Variants in ASXL1 observed in about 807,000 individuals in gnomAD.
The protein encoded by ASXL1 is ASXL transcriptional regulator 1.
ASXL1 carries 65 observed loss-of-function variants against 89.1 expected under a neutral mutation model. That is an observed-to-expected ratio of 0.73 (90% CI 0.60 to 0.90). The LOEUF is 0.90. Among genes scored for constraint, ASXL1 ranks in the 40% least tolerant of loss-of-function variants. ASXL1 has a pLI of 0.00. For synonymous variants in ASXL1, 739 were observed against 746.9 expected, an observed-to-expected ratio of 0.99 and a Z score of 0.17; for missense variants, 1,786 against 1,942.9, an observed-to-expected ratio of 0.92 and a Z score of 1.52.
rs2145363515 is a variant in ASXL1, at chr20:32,434,831, AC to A, written c.2122del (p.Gln708ArgfsTer17). 1 of 1,614,108 alleles carries A rather than the reference AC, an allele frequency of 6.2e-7. No homozygotes were observed. The highest frequency in any genetic ancestry group is 8.5e-7 in the Non-Finnish European group (1 of 1,180,008). On this transcript the variant is annotated frameshift_variant, in exon 13 of 13. Transcript: ENST00000375687. LOFTEE classifies it low-confidence loss of function (END_TRUNC). ...GCCTTATCCTCTAAATGGGGAGCAT[AC>A]CCAGGCCGGAACTGCCATGTCCAGA... ...LPPYPLNGEH[T>X]QAGTAMSRAR...
rs942164117 is a variant in ASXL1 at position 32,424,929 on chromosome 20, G to A, written c.253-3199G>A. 2.6e-5 allele frequency among the ~76,000 whole-genome samples: 4 copies of A among 152,242 alleles called. No homozygotes were observed. In the East Asian group the frequency reaches 7.7e-4, roughly 29 times the overall value. Reference sequence around the variant, plus strand: ...GACATCAAATATGGCCAGCAGCCAGGCGCACCTCCCCTACCCCCCACTGCC... The same window carrying A: ...GACATCAAATATGGCCAGCAGCCAGACGCACCTCCCCTACCCCCCACTGCC... On this transcript the variant is annotated intron_variant, in intron 4 of 12. Coordinates refer to ENST00000375687, the MANE Select transcript of ASXL1 (RefSeq NM_015338.6).
At position 32,369,141 on chromosome 20, in the gene ASXL1, T is replaced by C. The variant is rs2048255052; in HGVS notation, c.252+18T>C. ...CGCTCAAGGTAAGTGATATGAACTC[T>C]CTTTTGGTGCAGTGATTCTTGGACT... On this transcript the variant is annotated intron_variant, in intron 4 of 12. Coordinates refer to ENST00000375687, the MANE Select transcript of ASXL1 (RefSeq NM_015338.6). The C allele has an allele frequency of 1.3e-6, 2 of 1,578,536 alleles. No individual in the cohort carries two copies. Among genetic ancestry groups the C allele is most frequent in the Non-Finnish European group, 1.7e-6 (2 of 1,147,586 alleles).
intron 4 of ASXL1, among the ~76,000 whole-genome samples, chr20:32,380,815 A>C (rs2048473864): frequency 6.6e-6 from 1 of 152,256 alleles, no homozygotes; most frequent in Non-Finnish European, 1.5e-5. Context: ...GAATGACTGG[A>C]GTAAGCTTAG....
Position 32,434,560 on chromosome 20 carries a change from C to CT in ASXL1, c.1848_1849insT (p.Ile617TyrfsTer2), listed in dbSNP as rs767955952. On this transcript the variant is annotated frameshift_variant, in exon 13 of 13. Coordinates refer to ENST00000375687, the MANE Select transcript of ASXL1 (RefSeq NM_015338.6). LOFTEE classifies it low-confidence loss of function (END_TRUNC). Reference sequence around the variant, plus strand: ...GGACTGGCGCCAGGACCCTCGCAGACATTAAAGCCCGTGCTCTGCAGGTCC... The same window carrying CT: ...GGACTGGCGCCAGGACCCTCGCAGACTATTAAAGCCCGTGCTCTGCAGGTCC... 1 of 1,613,688 alleles carries CT rather than the reference C, an allele frequency of 6.2e-7. No homozygotes were observed.
chr20:32,401,524 G>A (rs1213437797), intron 4 of ASXL1, among the ~76,000 whole-genome samples: 2 of 61,944 alleles, frequency 3.2e-5, no homozygotes, highest in Middle Eastern at 7.6e-3. Context: ...AACCATATAT[G>A]TGTGTGTGTG....
Position 32,433,615 on chromosome 20 carries a change from G to A in ASXL1, c.1417G>A (p.Ala473Thr), listed in dbSNP as rs1358407610. 1 of 1,613,958 alleles carries A rather than the reference G, an allele frequency of 6.2e-7. No homozygotes were observed. Among genetic ancestry groups the A allele is most frequent in the Non-Finnish European group, 8.5e-7 (1 of 1,179,868 alleles). ...CCATCTGCCAGGCACATCCTCTGCA[G>A]CACCCGACCTGGAGGGTCCCGAATT... ...SPHLPGTSSAAPDLEGPEFPV... is the reference protein window; with the variant it reads ...SPHLPGTSSATPDLEGPEFPV... Residue 473 changes from alanine to threonine, a missense_variant, in exon 12 of 13, where the codon GCA becomes ACA. Ala to Thr is a moderately conservative substitution (Grantham distance 58, BLOSUM62 0). Coordinates refer to ENST00000375687, the MANE Select transcript of ASXL1 (RefSeq NM_015338.6).
At chr20:32,432,427 A>C (rs1231241468) in intron 10 of ASXL1, 1 of 201,724 alleles carries the variant, frequency 5.0e-6, no homozygotes, top group African/African-American at 2.3e-5. Context: ...CCCAGCTTCC[A>C]GATTCCCAAA....
chr20:32,400,071 C>CT (rs1211539538), intron 4 of ASXL1, among the ~76,000 whole-genome samples: 2 of 143,162 alleles, frequency 1.4e-5, no homozygotes, highest in South Asian at 4.8e-4. Context: ...CATATTTTAC[C>CT]TTTTTTTATC....
chr20:32,381,238 C>T (rs994479409), intron 4 of ASXL1, among the ~76,000 whole-genome samples: 1 of 152,124 alleles, frequency 6.6e-6, no homozygotes, highest in African/African-American at 2.4e-5. Flanking sequence ...CAAGATTTCC[C>T]TCTGTTATTT....
intron 4 of ASXL1, among the ~76,000 whole-genome samples, chr20:32,387,370 C>A (rs1463192297): frequency 6.6e-6 from 1 of 152,204 alleles, no homozygotes; most frequent in Admixed American, 6.5e-5. Context: ...GTTTCTTTCA[C>A]ATCATAGCCT....
In ASXL1 at chr20:32,434,645, G is replaced by A. The variant is rs2011676360; in HGVS notation, c.1933G>A (p.Gly645Ser). ...GGCCACCACTGCCATCGGAGGGGGG[G>A]GTGGCCCGGGTGGAGGTGGCGGCGG... ...EAATTAIGGG[G>S]GPGGGGGGAT... Residue 645 changes from glycine to serine, a missense_variant, in exon 13 of 13, where the codon GGT becomes AGT. Gly to Ser is a moderately conservative substitution (Grantham distance 56, BLOSUM62 0). Coordinates refer to ENST00000375687, the MANE Select transcript of ASXL1 (RefSeq NM_015338.6). 1 of 1,605,416 alleles carries A rather than the reference G, an allele frequency of 6.2e-7. No individual in the cohort carries two copies.
chr20:32,366,135 C>T (rs1569238731), intron 1 of ASXL1, among the ~76,000 whole-genome samples: 1 of 152,184 alleles, frequency 6.6e-6, no homozygotes, highest in African/African-American at 2.4e-5. Context: ...GCTAAGGTCT[C>T]GCATACTATA....
intron 1 of ASXL1, chr20:32,359,671 G>T (rs1210356133): frequency 4.2e-6 from 3 of 717,668 alleles, no homozygotes; most frequent in Non-Finnish European, 7.8e-6. Flanking sequence ...AAGTATCTCT[G>T]TTGGGAGACG....
intron 4 of ASXL1, among the ~76,000 whole-genome samples, chr20:32,422,825 T>G (rs1310826109): frequency 1.3e-5 from 2 of 151,958 alleles, no homozygotes; most frequent in African/African-American, 4.8e-5. Flanking sequence ...GACCTTGTGA[T>G]CCACCCGCCT....
chr20:32,436,853 A>G lies in ASXL1; in HGVS notation c.4141A>G (p.Asn1381Asp). 6.2e-7 allele frequency: 1 copy of G among 1,614,144 alleles called. No individual in the cohort carries two copies. Among genetic ancestry groups the G allele is most frequent in the Non-Finnish European group, 8.5e-7 (1 of 1,180,016 alleles). The stretch of plus-strand genomic sequence containing the variant: ...TTTTGTGGGGGGTCCTCTTAAGGCA[A>G]ATGCCGAGAACAGGAAAGCTACTGG... ...KTFVGGPLKA[N>D]AENRKATGHS... The change falls in exon 13 of 13, where the codon AAT (asparagine) becomes GAT (aspartate). Residue 1381 changes from asparagine (N) to aspartate (D), a missense_variant. Asn to Asp is a conservative substitution (Grantham distance 23). Around this residue, in one of 3 missense-constraint regions of ASXL1, gnomAD observed 1,418 missense variants for 1,427.8 expected, o/e 0.99. Transcript: ENST00000375687.
intron 4 of ASXL1, among the ~76,000 whole-genome samples, chr20:32,389,031 C>T (rs1331472781): frequency 6.6e-6 from 1 of 152,112 alleles, no homozygotes; most frequent in Non-Finnish European, 1.5e-5. Context: ...CCCCACCCCT[C>T]TAGAGTATAC....
Position 32,428,257 on chromosome 20 carries a change from C to T in ASXL1, c.373+9C>T. On this transcript the variant is annotated intron_variant, in intron 5 of 12. Coordinates refer to ENST00000375687, the MANE Select transcript of ASXL1 (RefSeq NM_015338.6). ...GAGTGGTGAAAACGATGGTAAGGAC[C>T]CTTTAATGGATGGGTGAGGGAGCCA... is the stretch of plus-strand genomic sequence containing the variant. The T allele has an allele frequency of 6.2e-7, 1 of 1,614,142 alleles. No homozygotes were observed. Among genetic ancestry groups the T allele is most frequent in the Non-Finnish European group, 8.5e-7 (1 of 1,180,026 alleles).
At position 32,382,179 on chromosome 20, in the gene ASXL1, T is replaced by G. The variant is rs569591650; in HGVS notation, c.252+13056T>G. Among the ~76,000 whole-genome samples the G allele has an allele frequency of 2.0e-5, 3 of 152,094 alleles. No individual in the cohort carries two copies. The East Asian group carries it at 5.8e-4, about 29-fold the overall frequency. ...TACTAGAGACAGTGTTTTTCCATGT[T>G]GGTCAGGCTGGTCTTGAATTCTCGT... On this transcript the variant is annotated intron_variant, in intron 4 of 12. Transcript: ENST00000375687.
intron 4 of ASXL1, among the ~76,000 whole-genome samples, chr20:32,382,850 T>G (rs79766536): frequency 5.9e-5 from 9 of 152,150 alleles, no homozygotes; most frequent in Admixed American, 5.2e-4. Context: ...TAATAACTTA[T>G]GTAGTCTGTG....
Sources: allele counts gnomAD v4.1 joint callset (sites outside exome capture counted in the v4.1 genomes callset), GRCh38; gene constraint gnomAD v4.1.1; regional missense constraint gnomAD v4.1.1; transcripts MANE v1.5; gene names NCBI Gene and HGNC (gene_info 2026-07-23, HGNC 2026-07-21).